RUSC2: variants seen among roughly 807,000 people sequenced by gnomAD.
RUSC2 encodes RUN and SH3 domain containing 2, also known as AP-4 complex accessory subunit RUSC2.
In RUSC2, 34 loss-of-function variants were observed where a neutral mutation model predicts 122.2. The observed-to-expected ratio is 0.28, with a 90% CI of 0.21 to 0.37. The LOEUF (loss-of-function observed/expected upper bound fraction) is 0.37. Among genes scored for constraint, RUSC2 ranks in the 10% least tolerant of loss-of-function variants. The pLI is 1.00. For missense variants in RUSC2, 1,747 were observed against 1,952.4 expected (o/e 0.89, Z 1.98); for synonymous variants, 784 against 790.0 (o/e 0.99, Z 0.13).
At position 35,558,574 on chromosome 9, in the gene RUSC2, G is replaced by A; in HGVS notation, c.3341+7G>A. 6.2e-7 allele frequency: 1 copy of A among 1,605,004 alleles called. No homozygotes were observed. Among genetic ancestry groups the A allele is most frequent in the Non-Finnish European group, 8.5e-7 (1 of 1,171,776 alleles). The stretch of plus-strand genomic sequence containing the variant: ...TCATCCTCGGCCTGCTCAAGTGAGT[G>A]CACAGAGCAGCAAGATCCCCTAAAC... On this transcript the variant is annotated splice_region_variant and intron_variant, in intron 8 of 11. Transcript: ENST00000361226. The surrounding 1 kb of genome is among the most constrained non-coding windows in gnomAD (Gnocchi z 4.3).
At chr9:35,551,987 C>T (rs969342329) in intron 2 of RUSC2, among the ~76,000 whole-genome samples, 1 of 151,982 alleles carries the variant, frequency 6.6e-6, no homozygotes. Flanking sequence ...TCGCCTGAGC[C>T]CAGGAGTTTG....
chr9:35,493,274 A>T (rs1820604612), intron 1 of RUSC2, among the ~76,000 whole-genome samples: 1 of 152,168 alleles, frequency 6.6e-6, no homozygotes. Flanking sequence ...TAAGGATAAT[A>T]GCCTCCAGCT....
chr9:35,522,045 T>C (rs570866235), intron 1 of RUSC2, among the ~76,000 whole-genome samples: 1 of 152,322 alleles, frequency 6.6e-6, no homozygotes, highest in African/African-American at 2.4e-5. Context: ...AGTTCTGAAA[T>C]CTCCAAATTC....
chr9:35,495,778 GA>G (rs1252126579), intron 1 of RUSC2, among the ~76,000 whole-genome samples: 2 of 152,082 alleles, frequency 1.3e-5, no homozygotes, highest in Non-Finnish European at 2.9e-5. Flanking sequence ...CACCTCTAAT[GA>G]TAGCAAGTTT....
In RUSC2 at chr9:35,560,435, T is replaced by C. The variant is rs1822126778; in HGVS notation, c.3795T>C (p.Gly1265=). 6.2e-7 allele frequency: 1 copy of C among 1,613,968 alleles called. No homozygotes were observed. Among genetic ancestry groups the C allele is most frequent in the Non-Finnish European group, 8.5e-7 (1 of 1,180,008 alleles). Residue 1265 remains glycine (G), a synonymous_variant, in exon 10 of 12, where the codon GGT becomes GGC. Coordinates refer to ENST00000361226, the MANE Select transcript of RUSC2 (RefSeq NM_014806.5). ...GGSGRARWAR[G]GQAGWWYQLM... is the part of the protein sequence containing the mutation. ...CAGGGCGTGCCAGGTGGGCCCGAGG[T>C]GGGCAGGCCGGCTGGTGGTACCAGC...
At chr9:35,545,833 C>T (rs1821732676) in intron 1 of RUSC2, among the ~76,000 whole-genome samples, 1 of 152,032 alleles carries the variant, frequency 6.6e-6, no homozygotes, top group African/African-American at 2.4e-5. Context: ...ATACTTAGCC[C>T]ACGGTCATCA....
intron 1 of RUSC2, among the ~76,000 whole-genome samples, chr9:35,534,976 GTTTT>G (rs928299822): frequency 6.9e-6 from 1 of 145,468 alleles, no homozygotes; most frequent in African/African-American, 2.5e-5. Context: ...GTCAGTTTAT[GTTTT>G]TTTTTTTATT....
At chr9:35,491,541 T>C (rs555997327) in intron 1 of RUSC2, among the ~76,000 whole-genome samples, 1 of 152,362 alleles carries the variant, frequency 6.6e-6, no homozygotes, top group South Asian at 2.1e-4. Flanking sequence ...TTAAGATTCC[T>C]TTTTGAAGCC....
chr9:35,561,475 T>C lies in RUSC2; in HGVS notation c.*93T>C. The stretch of plus-strand genomic sequence containing the variant: ...CCAAGCCATTGGCTTGGCTGCAGAG[T>C]AGACTGAGAGCTGGGGCCACGTATC... On this transcript the variant is annotated 3_prime_UTR_variant, in exon 12 of 12. Coordinates refer to ENST00000361226, the MANE Select transcript of RUSC2 (RefSeq NM_014806.5). 1 of 1,080,342 alleles carries C rather than the reference T, an allele frequency of 9.3e-7. No homozygotes were observed. Among genetic ancestry groups the C allele is most frequent in the Non-Finnish European group, 1.3e-6 (1 of 741,144 alleles). 66.9% of individuals were successfully genotyped at this position (1,080,342 alleles called of 1,614,324 possible).
chr9:35,514,616 G>C (rs899795771), intron 1 of RUSC2, among the ~76,000 whole-genome samples: 1 of 152,160 alleles, frequency 6.6e-6, no homozygotes, highest in African/African-American at 2.4e-5. Context: ...GTGGTAGGAT[G>C]TATAAAGTAG....
intron 1 of RUSC2, among the ~76,000 whole-genome samples, chr9:35,516,857 A>G (rs1363463243): frequency 7.9e-5 from 12 of 152,214 alleles, no homozygotes; most frequent in African/African-American, 2.9e-4. Context: ...ACATTTTTAA[A>G]GAGTTGTTGT....
chr9:35,549,584 G>A (rs1821842675), intron 2 of RUSC2, among the ~76,000 whole-genome samples: 1 of 152,208 alleles, frequency 6.6e-6, no homozygotes, highest in Non-Finnish European at 1.5e-5. Context: ...GAAACGTCAG[G>A]GAGGAACTGC....
intron 1 of RUSC2, among the ~76,000 whole-genome samples, chr9:35,532,731 C>A (rs530511705): frequency 6.7e-6 from 1 of 150,288 alleles, no homozygotes; most frequent in Non-Finnish European, 1.5e-5. Context: ...GGTGACAGAG[C>A]GAAACTGTCT....
chr9:35,560,268 C>T lies in RUSC2; in HGVS notation c.3628C>T (p.Arg1210Trp), dbSNP rs777707900. 14 of 1,586,756 alleles carry T rather than the reference C, an allele frequency of 8.8e-6. No homozygotes were observed. Among genetic ancestry groups the T allele is most frequent in the Admixed American group, 5.2e-5 (3 of 58,062 alleles). ...LSAHSTLQLA[R>W]ARGQEGPGDV... ...TGCCCACTCCACGCTGCAGCTGGCCCGGGCCCGGGGCCAGGAGGGCCCTGG... is the reference window on the plus strand; with the variant it reads ...TGCCCACTCCACGCTGCAGCTGGCCTGGGCCCGGGGCCAGGAGGGCCCTGG... Residue 1210 changes from arginine to tryptophan, a missense_variant, in exon 10 of 12, where the codon CGG (arginine) becomes TGG (tryptophan). Arg to Trp is a moderately radical substitution (Grantham distance 101). Coordinates refer to ENST00000361226, the MANE Select transcript of RUSC2 (RefSeq NM_014806.5).
Position 35,547,814 on chromosome 9 carries a change from A to G in RUSC2, c.1293A>G (p.Pro431=), listed in dbSNP as rs1821792497. 6.2e-7 allele frequency: 1 copy of G among 1,611,836 alleles called. No homozygotes were observed. Among genetic ancestry groups the G allele is most frequent in the Non-Finnish European group, 8.5e-7 (1 of 1,179,198 alleles). The change falls in exon 2 of 12, where the codon CCA becomes CCG. Residue 431 remains proline, a synonymous_variant. Transcript: ENST00000361226. This position sits in a 1 kb window ranked among gnomAD's most constrained non-coding sequence, Gnocchi z 4.6. The part of the protein sequence containing the change: ...SEEHTKISPP[P]GPGPDPGPSQ... ...AACACACCAAGATAAGTCCCCCACC[A>G]GGCCCTGGCCCAGACCCAGGCCCCA...
chr9:35,495,842 C>T (rs1486313735), intron 1 of RUSC2, among the ~76,000 whole-genome samples: 3 of 152,078 alleles, frequency 2.0e-5, no homozygotes, highest in Non-Finnish European at 4.4e-5. Flanking sequence ...TAATTTCTTC[C>T]AGCAATGTTT....
intron 1 of RUSC2, among the ~76,000 whole-genome samples, chr9:35,499,187 T>C (rs1820775646): frequency 6.6e-6 from 1 of 152,064 alleles, no homozygotes; most frequent in Non-Finnish European, 1.5e-5. Flanking sequence ...CTTGGGAGGC[T>C]GAGGCACAGG....
At chr9:35,537,974 A>G (rs1468909220) in intron 1 of RUSC2, among the ~76,000 whole-genome samples, 1 of 152,174 alleles carries the variant, frequency 6.6e-6, no homozygotes, top group African/African-American at 2.4e-5. Flanking sequence ...CCAGAACCTG[A>G]GGAGGCTGGA....
chr9:35,538,876 C>T (rs1465017835), intron 1 of RUSC2: 2 of 152,704 alleles, frequency 1.3e-5, no homozygotes, highest in Non-Finnish European at 2.9e-5. Context: ...GCAACGTCAC[C>T]GCAGCACCAG....
Sources: allele counts gnomAD v4.1 joint callset (sites outside exome capture counted in the v4.1 genomes callset), GRCh38; gene constraint gnomAD v4.1.1; non-coding constraint Gnocchi (gnomAD v3.1); transcripts MANE v1.5; gene names NCBI Gene and HGNC (gene_info 2026-07-23, HGNC 2026-07-21).